The following TAOK3 variants were observed in gnomAD, a reference collection of about 807,000 sequenced individuals.
TAOK3 encodes the protein serine/threonine-protein kinase TAO3.
Under a neutral mutation model 120.4 loss-of-function variants are expected in TAOK3, and 40 were observed. That is an observed-to-expected ratio of 0.33 (90% confidence interval 0.26 to 0.43). The LOEUF (loss-of-function observed/expected upper bound fraction) is 0.43, where lower values mean the gene tolerates loss of function less well. Among genes scored for constraint, TAOK3 ranks in the 20% least tolerant of loss-of-function variants. The pLI, the probability that TAOK3 is intolerant of heterozygous loss-of-function variation, is 1.00. For synonymous variants in TAOK3, 355 were observed against 387.5 expected (o/e 0.92, Z 0.99); for missense variants, 821 against 1,112.1 (o/e 0.74, Z 3.72).
At chr12:118,321,143 T>C (rs1206910310) in intron 1 of TAOK3, among the ~76,000 whole-genome samples, 1 of 152,170 alleles carries the variant, frequency 6.6e-6, no homozygotes, top group East Asian at 1.9e-4. Context: ...GTTGGTATGG[T>C]TTGTAACTTT....
chr12:118,239,153 C>T, intron 6 of TAOK3, 74 bp downstream of exon 6: 2 of 983,104 alleles, frequency 2.0e-6, no homozygotes, highest in South Asian at 1.3e-5. Flanking sequence ...GCCCAAACTA[C>T]ACTTTAGTAT....
chr12:118,206,124 T>C (rs2038295036), intron 11 of TAOK3, among the ~76,000 whole-genome samples: 1 of 152,220 alleles, frequency 6.6e-6, no homozygotes, highest in African/African-American at 2.4e-5. Flanking sequence ...TTGTTCTCTC[T>C]CCTTCTTCCT....
chr12:118,278,320 G>C (rs1390395388), intron 1 of TAOK3, among the ~76,000 whole-genome samples: 2 of 152,022 alleles, frequency 1.3e-5, no homozygotes, highest in Non-Finnish European at 2.9e-5. Context: ...GTAGGCCCTG[G>C]TGTCTGTGAT....
chr12:118,215,912 T>C (rs1446594816), intron 9 of TAOK3, among the ~76,000 whole-genome samples: 1 of 149,920 alleles, frequency 6.7e-6, no homozygotes, highest in African/African-American at 2.5e-5. Flanking sequence ...TTTTTTTTTG[T>C]ATAGAGGCTG....
intron 13 of TAOK3, among the ~76,000 whole-genome samples, chr12:118,195,234 A>C (rs1466822613): frequency 6.6e-6 from 1 of 152,216 alleles, no homozygotes; most frequent in Non-Finnish European, 1.5e-5. Flanking sequence ...TTAATATATT[A>C]AAGTCTTATG....
intron 1 of TAOK3, among the ~76,000 whole-genome samples, chr12:118,310,674 AT>A (rs1297632041): frequency 1.3e-5 from 2 of 152,140 alleles, no homozygotes. Flanking sequence ...ATTTGATATA[AT>A]TTATTAAATG....
In TAOK3 at chr12:118,317,981, T is replaced by C. The variant is rs540832834; in HGVS notation, c.-193-51222A>G. Among the ~76,000 whole-genome samples, 7 of 152,058 alleles carry C rather than the reference T, an allele frequency of 4.6e-5. No individual in the cohort carries two copies. In the South Asian group the frequency reaches 6.2e-4, roughly 14 times the overall value. ...AATAAACATTCATATCTACAGCAAA[T>C]TGATTTTCAACAAGGGTGCCAAGAC... On this transcript the variant is annotated intron_variant, in intron 1 of 20. Transcript: ENST00000392533.
chr12:118,227,012 A>C (rs1199801476), intron 9 of TAOK3, among the ~76,000 whole-genome samples: 1 of 152,088 alleles, frequency 6.6e-6, no homozygotes, highest in Non-Finnish European at 1.5e-5. Context: ...GTACAATTGA[A>C]GAAGATTGGA....
At chr12:118,270,020 C>T (rs1413104922) in intron 1 of TAOK3, among the ~76,000 whole-genome samples, 1 of 152,170 alleles carries the variant, frequency 6.6e-6, no homozygotes, top group Non-Finnish European at 1.5e-5. Context: ...TGAATGTGTT[C>T]CTCTAAGGAT....
chr12:118,367,530 G>A (rs1441658580), intron 1 of TAOK3, among the ~76,000 whole-genome samples: 1 of 150,840 alleles, frequency 6.6e-6, no homozygotes, highest in East Asian at 1.9e-4. Flanking sequence ...TATCACTTAT[G>A]TTTCTTTTAC....
chr12:118,173,822 A>G (rs1459612732), intron 16 of TAOK3, among the ~76,000 whole-genome samples: 2 of 152,038 alleles, frequency 1.3e-5, no homozygotes, highest in Non-Finnish European at 2.9e-5. Context: ...CTACTCACTC[A>G]GCTAAAATCT....
At chr12:118,241,876 C>A (rs353892) in intron 5 of TAOK3, among the ~76,000 whole-genome samples, 71,123 of 151,638 alleles carry the variant, frequency 0.47, 17,395 homozygotes, top group Non-Finnish European at 0.54. Flanking sequence ...TTTGGGAGGC[C>A]GAGGTGGGCG....
intron 5 of TAOK3, among the ~76,000 whole-genome samples, chr12:118,240,169 T>C (rs913493545): frequency 1.3e-5 from 2 of 151,812 alleles, no homozygotes; most frequent in Admixed American, 6.6e-5. Flanking sequence ...AGAAACCTCT[T>C]TCTTTACTCT....
chr12:118,266,950 A>T (rs1424963118), intron 1 of TAOK3, among the ~76,000 whole-genome samples, 191 bp from the exon 2 acceptor site: 1 of 152,350 alleles, frequency 6.6e-6, no homozygotes, highest in East Asian at 1.9e-4. Flanking sequence ...TTTCACAGGC[A>T]ATATCTGGGA....
intron 1 of TAOK3, among the ~76,000 whole-genome samples, chr12:118,278,548 T>C (rs1342753390): frequency 6.6e-6 from 1 of 152,222 alleles, no homozygotes; most frequent in Non-Finnish European, 1.5e-5. Flanking sequence ...CCACCGCTGA[T>C]GGGCATTTAG....
chr12:118,367,834 A>T (rs2062521), intron 1 of TAOK3, among the ~76,000 whole-genome samples: 15,263 of 151,860 alleles, frequency 0.1, 2,101 homozygotes, highest in African/African-American at 0.3. Context: ...AAATTATTTT[A>T]AAAAAAGGGG....
intron 1 of TAOK3, among the ~76,000 whole-genome samples, chr12:118,294,534 C>T (rs1294750316): frequency 6.6e-6 from 1 of 152,080 alleles, no homozygotes; most frequent in African/African-American, 2.4e-5. Context: ...CAGGTGTGCA[C>T]CACCATGCCC....
At chr12:118,242,858 CCAAACAAA>C (rs56963963) in intron 5 of TAOK3, among the ~76,000 whole-genome samples, 90 of 150,816 alleles carry the variant, frequency 6.0e-4, no homozygotes, top group African/African-American at 1.0e-3. Context: ...GAATCTGTCT[CCAAACAAA>C]CAAACAAACA....
intron 1 of TAOK3, among the ~76,000 whole-genome samples, chr12:118,368,748 G>C (rs560876921): frequency 6.7e-6 from 1 of 150,272 alleles, no homozygotes; most frequent in Non-Finnish European, 1.5e-5. Flanking sequence ...GGAGGTTGCA[G>C]TGAGCCGAAA....
Sources: gnomAD v4.1 joint callset for allele counts (sites outside exome capture counted in the v4.1 genomes callset) on GRCh38, gnomAD v4.1.1 for gene constraint, MANE v1.5 for transcripts, NCBI Gene and HGNC (gene_info 2026-07-23, HGNC 2026-07-21) for gene names.